The following UNC13C variants were observed in gnomAD, a reference collection of about 807,000 sequenced individuals.
The protein encoded by UNC13C is protein unc-13 homolog C.
In UNC13C, 174 loss-of-function variants were observed where a neutral mutation model predicts 245.4. The observed-to-expected ratio is 0.71, with a 90% CI of 0.63 to 0.80. The LOEUF is 0.80. UNC13C is among the 30% of genes least tolerant of loss of function. UNC13C has a pLI of 0.00. For synonymous variants in UNC13C, 992 were observed against 895.1 expected (o/e 1.11, Z -1.93); for missense variants, 2,829 against 2,602.9 (o/e 1.09, Z -1.89).
intron 25 of UNC13C, among the ~76,000 whole-genome samples, chr15:54,529,525 A>G (rs1233846615): frequency 1.3e-5 from 2 of 152,210 alleles, no homozygotes; most frequent in African/African-American, 2.4e-5. Flanking sequence ...GTTCATTGAT[A>G]TATCTTCAGC....
intron 4 of UNC13C, among the ~76,000 whole-genome samples, chr15:54,184,656 C>G (rs2033913687): frequency 1.3e-5 from 2 of 152,188 alleles, no homozygotes; most frequent in Admixed American, 1.3e-4. Flanking sequence ...TTTTCTTAAT[C>G]CAGTCCATCA....
Position 54,626,923 on chromosome 15 carries a change from C to T in UNC13C, c.6455C>T (p.Thr2152Ile), listed in dbSNP as rs761335048. The change falls in exon 33 of 33, where the codon ACA becomes ATA. Residue 2152 changes from threonine to isoleucine, a missense_variant. Coordinates refer to ENST00000260323, the MANE Select transcript of UNC13C (RefSeq NM_001080534.3). ...FAREDRIIGM[T>I]VIQLQNIAEK... is the part of the protein sequence containing the mutation. ...AGAGAAGATCGAATTATCGGAATGA[C>T]AGTCATTCAGCTACAGAACATAGCA... 6.2e-7 allele frequency: 1 copy of T among 1,613,370 alleles called. No homozygotes were observed. The highest frequency in any genetic ancestry group is 8.5e-7 in the Non-Finnish European group (1 of 1,179,580).
chr15:54,369,387 C>T (rs944370074), intron 17 of UNC13C, among the ~76,000 whole-genome samples: 1 of 152,110 alleles, frequency 6.6e-6, no homozygotes, highest in Non-Finnish European at 1.5e-5. Flanking sequence ...AGCATAACAG[C>T]CACATTTACA....
At chr15:54,334,345 A>T (rs951328378) in intron 16 of UNC13C, among the ~76,000 whole-genome samples, 2 of 152,108 alleles carry the variant, frequency 1.3e-5, no homozygotes, top group East Asian at 1.9e-4. Context: ...AGGCCTTACA[A>T]ACCAGGTATT....
At chr15:54,046,622 T>C (rs1016747693) in intron 2 of UNC13C, among the ~76,000 whole-genome samples, 8 of 152,072 alleles carry the variant, frequency 5.3e-5, no homozygotes, top group Non-Finnish European at 5.9e-5. Context: ...TTAGCCTTTT[T>C]TGTTGTTGTT....
intron 4 of UNC13C, among the ~76,000 whole-genome samples, chr15:54,157,827 CT>C (rs2032814662): frequency 6.6e-6 from 1 of 152,066 alleles, no homozygotes; most frequent in Non-Finnish European, 1.5e-5. Flanking sequence ...TTTGACAAAC[CT>C]GACAAAAACA....
At chr15:54,364,528 TATC>T (rs1319098138) in intron 17 of UNC13C, among the ~76,000 whole-genome samples, 1 of 152,184 alleles carries the variant, frequency 6.6e-6, no homozygotes, top group African/African-American at 2.4e-5. Context: ...TTCAATTTAG[TATC>T]ATCTTTTGAG....
the UNC13C span, among the ~76,000 whole-genome samples, chr15:53,852,949 T>TATAA: frequency 6.6e-6 from 1 of 152,052 alleles, no homozygotes; most frequent in Non-Finnish European, 1.5e-5. Context: ...GGGGTAATCT[T>TATAA]TTATGTGTGT....
At chr15:54,058,624 A>G (rs1326880144) in intron 2 of UNC13C, among the ~76,000 whole-genome samples, 2 of 152,224 alleles carry the variant, frequency 1.3e-5, no homozygotes, top group Non-Finnish European at 2.9e-5. Flanking sequence ...GGCCAGCATC[A>G]TTCTGATACC....
At chr15:54,233,290 C>A (rs562307178) in intron 4 of UNC13C, among the ~76,000 whole-genome samples, 9 of 152,080 alleles carry the variant, frequency 5.9e-5, no homozygotes, top group Non-Finnish European at 1.3e-4. Context: ...TGAACACATT[C>A]TCTTCAGTTC....
intron 16 of UNC13C, among the ~76,000 whole-genome samples, chr15:54,336,185 T>C (rs1353433720): frequency 6.6e-6 from 1 of 152,054 alleles, no homozygotes; most frequent in African/African-American, 2.4e-5. Flanking sequence ...TAAAATTGTA[T>C]GTATTTATTG....
chr15:54,620,049 G>A (rs1900697523), intron 30 of UNC13C, among the ~76,000 whole-genome samples: 1 of 152,094 alleles, frequency 6.6e-6, no homozygotes, highest in Non-Finnish European at 1.5e-5. Context: ...GCACTTTAGG[G>A]TTGTACTACC....
chr15:54,130,814 A>G (rs566291668), intron 2 of UNC13C, among the ~76,000 whole-genome samples: 313 of 152,242 alleles, frequency 2.1e-3, no homozygotes, highest in African/African-American at 6.0e-3. Context: ...AGTGTTTTTA[A>G]TAATATTCTT....
chr15:54,135,380 C>G (rs1403937108), intron 2 of UNC13C, among the ~76,000 whole-genome samples: 1 of 152,154 alleles, frequency 6.6e-6, no homozygotes, highest in East Asian at 1.9e-4. Flanking sequence ...CTATCCCGGC[C>G]AATACGTTGC....
intron 10 of UNC13C, among the ~76,000 whole-genome samples, chr15:54,292,952 A>T (rs1040623714): frequency 1.3e-5 from 2 of 149,026 alleles, no homozygotes. Flanking sequence ...CTATCTATAT[A>T]GATTATATAG....
intron 29 of UNC13C, among the ~76,000 whole-genome samples, chr15:54,558,908 A>C (rs1419582650): frequency 1.3e-5 from 2 of 152,066 alleles, no homozygotes; most frequent in African/African-American, 4.8e-5. Context: ...TTCCAACCCC[A>C]TATCTCAAGA....
chr15:54,628,727 T>G (rs1901358806), downstream of UNC13C: 1 of 152,178 alleles, frequency 6.6e-6, no homozygotes, highest in South Asian at 2.1e-4. Context: ...TTCTAACATC[T>G]CATTAAAAGT....
At chr15:54,408,968 A>G (rs1326725255) in intron 18 of UNC13C, among the ~76,000 whole-genome samples, 1 of 152,152 alleles carries the variant, frequency 6.6e-6, no homozygotes, top group East Asian at 1.9e-4. Flanking sequence ...GATGCAGCCA[A>G]TGAGGGGACT....
chr15:53,924,195 A>T, the UNC13C span, among the ~76,000 whole-genome samples: 1 of 151,708 alleles, frequency 6.6e-6, no homozygotes, highest in Admixed American at 6.6e-5. Flanking sequence ...CAACAGAGTG[A>T]GACTTTATCT....
Sources: allele counts gnomAD v4.1 joint callset (sites outside exome capture counted in the v4.1 genomes callset), GRCh38; gene constraint gnomAD v4.1.1; transcripts MANE v1.5; gene names NCBI Gene and HGNC (gene_info 2026-07-23, HGNC 2026-07-21).